The following MGAT5 variants were observed in gnomAD, a reference collection of about 807,000 sequenced individuals.
MGAT5 encodes the protein alpha-1,6-mannosylglycoprotein 6-beta-N-acetylglucosaminyltransferase A.
MGAT5 carries 30 observed loss-of-function variants against 94.3 expected under a neutral mutation model. The ratio of observed to expected loss-of-function variants is 0.32; its 90% confidence interval spans 0.24 to 0.43. The LOEUF is 0.43. Among genes scored for constraint, MGAT5 ranks in the 20% least tolerant of loss-of-function variants. MGAT5 has a pLI of 1.00. For synonymous variants in MGAT5, 310 were observed against 322.9 expected (o/e 0.96, Z 0.43); for missense variants, 691 against 905.5 (o/e 0.76, Z 3.04).
At chr2:134,194,302 A>G (rs1177962562) in intron 1 of MGAT5, among the ~76,000 whole-genome samples, 3 of 152,036 alleles carry the variant, frequency 2.0e-5, no homozygotes, top group Non-Finnish European at 4.4e-5. Flanking sequence ...TTTAAAATAC[A>G]CTTCAACTTC....
chr2:134,334,542 G>A (rs1303588931), intron 4 of MGAT5, among the ~76,000 whole-genome samples: 1 of 131,910 alleles, frequency 7.6e-6, no homozygotes, highest in East Asian at 2.4e-4. Flanking sequence ...GTGGGATGGG[G>A]TGAGGTTAAA....
rs372391129 is a variant in MGAT5, at chr2:134,344,907, CCT to C, written c.978-18_978-17del. ...TAAATGATTTTTCTCTTTTTTCTCC[CCT>C]CTCTTTTGCCGTTTCTCTAGAATCA... On this transcript the variant is annotated intron_variant, in intron 7 of 15. Transcript: ENST00000281923. 8.1e-6 allele frequency: 13 copies of C among 1,604,220 alleles called. No individual in the cohort carries two copies. The African/African-American group carries it at 1.3e-4, about 17-fold the overall frequency.
chr2:134,202,839 C>G (rs184831694), intron 1 of MGAT5, among the ~76,000 whole-genome samples: 4 of 152,266 alleles, frequency 2.6e-5, no homozygotes, highest in African/African-American at 9.6e-5. Context: ...ACACAATTCT[C>G]CCCCAAAAAA....
intron 1 of MGAT5, among the ~76,000 whole-genome samples, chr2:134,138,000 T>G (rs975570432): frequency 6.6e-6 from 1 of 151,948 alleles, no homozygotes; most frequent in South Asian, 2.1e-4. Context: ...GTTTTTTTTT[T>G]TTTTGTTTTG....
rs766184967 is a variant in MGAT5 at position 134,349,844 on chromosome 2, C to G, written c.1152C>G (p.Pro384=). The change falls in exon 9 of 16, where the codon CCC becomes CCG. Residue 384 remains proline, a synonymous_variant. Transcript: ENST00000281923. ...LRVLDSFGTE[P]EFNHANYAQS... ...TCCTTGATTCATTTGGTACTGAACC[C>G]GAATTTAATCATGCAAATTATGCCC... 2 of 1,613,498 alleles carry G rather than the reference C, an allele frequency of 1.2e-6. No homozygotes were observed. Among genetic ancestry groups the G allele is most frequent in the Non-Finnish European group, 1.7e-6 (2 of 1,179,644 alleles).
intron 14 of MGAT5, among the ~76,000 whole-genome samples, chr2:134,440,173 C>T (rs1027671925): frequency 6.6e-5 from 10 of 152,142 alleles, no homozygotes; most frequent in South Asian, 4.1e-4. Context: ...CTGCCCCACT[C>T]GGAGCACTTA....
Position 134,291,972 on chromosome 2 carries a change from C to G in MGAT5, c.406+21422C>G, listed in dbSNP as rs375059318. Among the ~76,000 whole-genome samples the G allele has an allele frequency of 1.4e-4, 22 of 152,196 alleles. 2 individuals carry two copies. In the South Asian group the frequency reaches 4.6e-3, roughly 32 times the overall value. ...CTGTTTCTCTAGAAGGTGTCCGTCT[C>G]AGATTCATTAACTCAGTGGTTCTGT... On this transcript the variant is annotated intron_variant, in intron 2 of 15. Transcript: ENST00000281923.
At chr2:134,237,511 A>G (rs1187480580) in intron 1 of MGAT5, among the ~76,000 whole-genome samples, 1 of 152,202 alleles carries the variant, frequency 6.6e-6, no homozygotes, top group Non-Finnish European at 1.5e-5. Context: ...GTGGGAATTC[A>G]TAATACCTAC....
chr2:134,143,759 A>G (rs1430280182), intron 1 of MGAT5, among the ~76,000 whole-genome samples: 1 of 152,202 alleles, frequency 6.6e-6, no homozygotes, highest in African/African-American at 2.4e-5. Context: ...GTAACCTGGT[A>G]ACAATGTTTA....
chr2:134,334,928 A>C (rs941259149), intron 4 of MGAT5, among the ~76,000 whole-genome samples: 3 of 152,098 alleles, frequency 2.0e-5, no homozygotes, highest in Admixed American at 1.3e-4. Context: ...CAAATATGGT[A>C]AGGTCTAATT....
chr2:134,352,571 A>C lies in MGAT5; in HGVS notation c.1246+2633A>C, dbSNP rs564512001. On this transcript the variant is annotated intron_variant, in intron 9 of 15. Transcript: ENST00000281923. ...CAATGAAAGGATAAATAAACTAATA[A>C]AAATGATTGCCATTGGATAAAGTGA... is the stretch of plus-strand genomic sequence containing the variant. 2.0e-5 allele frequency among the ~76,000 whole-genome samples: 3 copies of C among 152,332 alleles called. No individual in the cohort carries two copies. The South Asian group carries it at 6.2e-4, about 32-fold the overall frequency.
At chr2:134,151,599 T>C (rs1367188548) in intron 1 of MGAT5, among the ~76,000 whole-genome samples, 256 of 72,178 alleles carry the variant, frequency 3.5e-3, no homozygotes, top group East Asian at 6.5e-3. Flanking sequence ...CTATGGGACC[T>C]GCTTACCGCC....
At position 134,254,285 on chromosome 2, in the gene MGAT5, A is replaced by C; in HGVS notation, c.-119A>C. The C allele has an allele frequency of 7.6e-7, 1 of 1,318,618 alleles. No homozygotes were observed. The allele number at this position is 1,318,618 out of a possible 1,614,324, so 81.7% of individuals were successfully genotyped here. A position where few individuals can be genotyped will look rare whatever the true frequency, so the allele number is the denominator to read the frequency against. Reference sequence around the variant, plus strand: ...AGCAGAATGGAAGTGAGGAAAGGCAACCAGCTGACACAGGAGCCAGAGTGA... The same window carrying C: ...AGCAGAATGGAAGTGAGGAAAGGCACCCAGCTGACACAGGAGCCAGAGTGA... On this transcript the variant is annotated 5_prime_UTR_variant, in exon 1 of 16. Transcript: ENST00000281923.
At chr2:134,261,845 C>T (rs58099479) in intron 1 of MGAT5, among the ~76,000 whole-genome samples, 2,147 of 152,252 alleles carry the variant, frequency 0.014, 46 homozygotes, top group African/African-American at 0.049. Context: ...CTGTGATGCT[C>T]TGTGTGGTAC....
At chr2:134,184,571 T>C (rs911208815) in intron 1 of MGAT5, among the ~76,000 whole-genome samples, 7 of 152,184 alleles carry the variant, frequency 4.6e-5, no homozygotes, top group Non-Finnish European at 8.8e-5. Flanking sequence ...TCTGTGTTCT[T>C]GCGATACTGT....
In MGAT5 at chr2:134,121,586, G is replaced by C. The variant is rs547720254; in HGVS notation, c.-143+1295G>C. ...GGGACCGACTGCCAGGCCTGGCCCC[G>C]GGCGGCCGCCGCTATCTGCACCTGG... On this transcript the variant is annotated intron_variant, in intron 1 of 16. Transcript: ENST00000409645. Among the ~76,000 whole-genome samples the C allele has an allele frequency of 8.0e-4, 122 of 152,098 alleles. 1 individual carries two copies. The highest frequency in any genetic ancestry group is 2.9e-3 in the African/African-American group (121 of 41,478).
chr2:134,399,738 G>A (rs1050347878), intron 10 of MGAT5, among the ~76,000 whole-genome samples: 4 of 152,162 alleles, frequency 2.6e-5, no homozygotes, highest in African/African-American at 9.7e-5. Flanking sequence ...TTTCTAAGAA[G>A]TGATCTCGAT....
At position 134,425,903 on chromosome 2, in the gene MGAT5, T is replaced by TG. The variant is rs1193617940; in HGVS notation, c.1795-2462_1795-2461insG. 2.0e-5 allele frequency among the ~76,000 whole-genome samples: 3 copies of TG among 152,176 alleles called. 1 individual carries two copies. The highest frequency in any genetic ancestry group is 6.5e-5 in the Admixed American group (1 of 15,290). Reference sequence around the variant, plus strand: ...CATATGAGTAACAGTCCTTTTTTTTTTTTTTTAAACAAAGCAGGATGCCCA... The same window carrying TG: ...CATATGAGTAACAGTCCTTTTTTTTTGTTTTTTAAACAAAGCAGGATGCCCA... On this transcript the variant is annotated intron_variant, in intron 13 of 15. Coordinates refer to ENST00000281923, the MANE Select transcript of MGAT5 (RefSeq NM_002410.5).
chr2:134,332,247 T>C (rs1301166290), intron 4 of MGAT5, among the ~76,000 whole-genome samples: 4 of 151,880 alleles, frequency 2.6e-5, no homozygotes, highest in East Asian at 1.9e-4. Context: ...GAGATCTAGA[T>C]CAATGGAACA....
Sources: gnomAD v4.1 joint callset for allele counts (sites outside exome capture counted in the v4.1 genomes callset) on GRCh38, gnomAD v4.1.1 for gene constraint, MANE v1.5 for transcripts, NCBI Gene and HGNC (gene_info 2026-07-23, HGNC 2026-07-21) for gene names.